The following KATNAL2 variants were observed in gnomAD, a reference collection of about 807,000 sequenced individuals.
KATNAL2 encodes katanin catalytic subunit A1 like 2.
Under a neutral mutation model 76.3 loss-of-function variants are expected in KATNAL2, and 52 were observed. The ratio of observed to expected loss-of-function variants is 0.68; its 90% CI spans 0.55 to 0.86. KATNAL2 has a LOEUF of 0.86. Among genes scored for constraint, KATNAL2 ranks in the 40% least tolerant of loss-of-function variants. The pLI is 0.00. For missense variants in KATNAL2, 660 were observed against 668.9 expected, an observed-to-expected ratio of 0.99 and a Z score of 0.15; for synonymous variants, 243 against 244.2, an observed-to-expected ratio of 1.00 and a Z score of 0.05.
intron 11 of KATNAL2, among the ~76,000 whole-genome samples, chr18:47,068,610 T>C (rs1314368039): frequency 6.6e-6 from 1 of 152,202 alleles, no homozygotes; most frequent in Non-Finnish European, 1.5e-5. Context: ...TAATATTCCT[T>C]GCCACACCCT....
At chr18:47,051,918 GAGA>G (rs1464781512) in intron 4 of KATNAL2, among the ~76,000 whole-genome samples, 1 of 152,172 alleles carries the variant, frequency 6.6e-6, no homozygotes, top group East Asian at 1.9e-4. Flanking sequence ...AAGAAAGAGA[GAGA>G]AGAGGAGGGC....
intron 1 of KATNAL2, among the ~76,000 whole-genome samples, chr18:46,935,674 T>G (rs546224500): frequency 6.6e-6 from 1 of 152,124 alleles, no homozygotes; most frequent in East Asian, 1.9e-4. Context: ...TCCCAGCACT[T>G]TGGGAGGGTG....
At chr18:47,041,234 G>A (rs2060951986) in intron 3 of KATNAL2, among the ~76,000 whole-genome samples, 1 of 152,146 alleles carries the variant, frequency 6.6e-6, no homozygotes, top group Non-Finnish European at 1.5e-5. Flanking sequence ...TTTTACATGA[G>A]GGTTCATGCT....
rs555097561 is a variant in KATNAL2 at position 47,072,471 on chromosome 18, T to G, written c.1009-2806T>G. 2.6e-5 allele frequency among the ~76,000 whole-genome samples: 4 copies of G among 152,282 alleles called. No individual in the cohort carries two copies. The South Asian group carries it at 8.3e-4, about 32-fold the overall frequency. ...GTTTTGTTTTGAGGCAGGGTCTTGC[T>G]CTGTCACCCAGGCACCCAGGCCAAA... On this transcript the variant is annotated intron_variant, in intron 13 of 17. Coordinates refer to ENST00000683218, the MANE Select transcript of KATNAL2 (RefSeq NM_001387690.1).
chr18:47,045,963 C>T (rs2061143850), intron 3 of KATNAL2, among the ~76,000 whole-genome samples: 1 of 152,174 alleles, frequency 6.6e-6, no homozygotes, highest in East Asian at 1.9e-4. Context: ...TAAATCCTTG[C>T]CTGTGCAGTC....
In KATNAL2 at chr18:47,077,352, G is replaced by A; in HGVS notation, c.1102G>A (p.Gly368Arg). The A allele has an allele frequency of 6.2e-7, 1 of 1,611,854 alleles. No homozygotes were observed. Among genetic ancestry groups the A allele is most frequent in the South Asian group, 1.1e-5 (1 of 91,024 alleles). ...VMSQRGTASG[G>R]EHEGSLRMKT... ...GAATCACGTCTTGTCTCTCTGTAGGGGAGAACATGAAGGAAGCCTGCGGAT... is the reference window on the plus strand; with the variant it reads ...GAATCACGTCTTGTCTCTCTGTAGGAGAGAACATGAAGGAAGCCTGCGGAT... Residue 368 changes from glycine (G) to arginine (R), a missense_variant and splice_region_variant, in exon 15 of 18, where the codon GGA becomes AGA. Transcript: ENST00000683218.
chr18:47,056,022 G>T (rs1430138282), intron 6 of KATNAL2, among the ~76,000 whole-genome samples: 1 of 152,218 alleles, frequency 6.6e-6, no homozygotes, highest in Non-Finnish European at 1.5e-5. Context: ...CATGTCATGA[G>T]ACTGGCTATT....
intron 10 of KATNAL2, among the ~76,000 whole-genome samples, chr18:47,064,188 C>T (rs979968875): frequency 7.9e-5 from 12 of 151,762 alleles, no homozygotes; most frequent in Non-Finnish European, 1.5e-4. Context: ...AGAGCATAGT[C>T]CTTGCCCTCA....
intron 3 of KATNAL2, among the ~76,000 whole-genome samples, chr18:46,954,803 C>G (rs1038728580): frequency 2.0e-5 from 3 of 152,088 alleles, no homozygotes; most frequent in African/African-American, 7.2e-5. Context: ...GCCACCACAC[C>G]TGGCTAATTT....
In KATNAL2 at chr18:47,033,665, C is replaced by T. The variant is rs1793563655; in HGVS notation, c.52-12792C>T. ...TCCGGATTGTTTCTAAGCACCTGGG[C>T]ACACTGCTGGCGCAGCGTCGGCACC... On this transcript the variant is annotated intron_variant, in intron 3 of 17. Coordinates refer to ENST00000683218, the MANE Select transcript of KATNAL2 (RefSeq NM_001387690.1). 5 of 1,614,206 alleles carry T rather than the reference C, an allele frequency of 3.1e-6. No homozygotes were observed. The African/African-American group carries it at 6.7e-5, about 22-fold the overall frequency.
intron 3 of KATNAL2, among the ~76,000 whole-genome samples, chr18:47,036,301 G>T (rs1370328047): frequency 1.3e-5 from 2 of 152,166 alleles, no homozygotes; most frequent in Non-Finnish European, 1.5e-5. Flanking sequence ...GAACTCTCTG[G>T]TAATGGTTTT....
In KATNAL2 at chr18:47,101,532, A is replaced by G. The variant is rs77801451; in HGVS notation, c.*527A>G. The G allele has an allele frequency of 4.7e-4, 73 of 154,780 alleles. No individual in the cohort carries two copies. The highest frequency in any genetic ancestry group is 6.6e-4 in the Non-Finnish European group (46 of 69,564). 9.6% of individuals were successfully genotyped at this position (154,780 alleles called of 1,614,324 possible). A position where few individuals can be genotyped will look rare whatever the true frequency, so the allele number is the denominator to read the frequency against. On this transcript the variant is annotated 3_prime_UTR_variant, in exon 18 of 18. Coordinates refer to ENST00000683218, the MANE Select transcript of KATNAL2 (RefSeq NM_001387690.1). ...ATCAGCTCCCCCTAATTCTGACTCC[A>G]TCCAGCTTTGTCAGCAGCAAACCCC...
At chr18:46,960,356 G>A (rs1172534526) in intron 3 of KATNAL2, among the ~76,000 whole-genome samples, 5 of 151,878 alleles carry the variant, frequency 3.3e-5, no homozygotes, top group Non-Finnish European at 5.9e-5. Context: ...TTGAACTGGG[G>A]TGGGTGGAGG....
At chr18:46,949,492 C>A (rs2059485993) in intron 3 of KATNAL2, among the ~76,000 whole-genome samples, 1 of 152,206 alleles carries the variant, frequency 6.6e-6, no homozygotes, top group Non-Finnish European at 1.5e-5. Context: ...AGTGATCAGC[C>A]TGCCTTGGCC....
At chr18:46,933,442 T>C (rs1301432092) in intron 1 of KATNAL2, among the ~76,000 whole-genome samples, 2 of 152,206 alleles carry the variant, frequency 1.3e-5, no homozygotes, top group African/African-American at 4.8e-5. Context: ...TGAGGCCCCA[T>C]AGGGTAAAAA....
At chr18:46,932,887 C>T (rs1370571983) in intron 1 of KATNAL2, among the ~76,000 whole-genome samples, 1 of 151,730 alleles carries the variant, frequency 6.6e-6, no homozygotes, top group Non-Finnish European at 1.5e-5. Flanking sequence ...GCCTCAACCT[C>T]CTTAGTAACT....
chr18:47,034,467 G>A (rs2060657523), intron 3 of KATNAL2: 1 of 1,614,040 alleles, frequency 6.2e-7, no homozygotes, highest in Non-Finnish European at 8.5e-7. Context: ...TTGCCCAGGA[G>A]GGCATCCTTG....
intron 3 of KATNAL2, chr18:47,035,491 G>A (rs948052200): frequency 8.9e-6 from 8 of 903,346 alleles, no homozygotes; most frequent in African/African-American, 1.7e-5. Context: ...TTGTTCCTCG[G>A]GATGTGGAGC....
intron 3 of KATNAL2, among the ~76,000 whole-genome samples, chr18:46,961,055 G>A (rs780874678): frequency 4.6e-5 from 7 of 152,230 alleles, no homozygotes; most frequent in Admixed American, 1.3e-4. Flanking sequence ...AGGGCTACAT[G>A]CATTAGCTAA....
Sources: allele counts gnomAD v4.1 joint callset (sites outside exome capture counted in the v4.1 genomes callset), GRCh38; gene constraint gnomAD v4.1.1; transcripts MANE v1.5; gene names NCBI Gene and HGNC (gene_info 2026-07-23, HGNC 2026-07-21).